Variants in ZFPM2 observed in about 807,000 individuals in gnomAD.
ZFPM2 encodes zinc finger protein, FOG family member 2.
ZFPM2 carries 20 observed loss-of-function variants against 98.6 expected under a neutral mutation model. The ratio of observed to expected loss-of-function variants is 0.20; its 90% CI spans 0.14 to 0.29. The LOEUF is 0.29. Ranked by LOEUF, ZFPM2 falls within the 10% of genes least tolerant of loss-of-function variation. ZFPM2 has a pLI of 1.00. For missense variants in ZFPM2, 1,310 were observed against 1,388.6 expected (o/e 0.94, Z 0.90); for synonymous variants, 518 against 502.7 (o/e 1.03, Z -0.41).
chr8:105,707,211 C>T (rs981906337), intron 5 of ZFPM2, among the ~76,000 whole-genome samples: 2 of 144,694 alleles, frequency 1.4e-5, no homozygotes, highest in African/African-American at 5.2e-5. Flanking sequence ...CACTGCTCTT[C>T]AGCCTGGGCA....
chr8:105,425,319 GA>G (rs1190250213), intron 2 of ZFPM2, among the ~76,000 whole-genome samples: 7 of 152,170 alleles, frequency 4.6e-5, no homozygotes, highest in Admixed American at 6.5e-5. Context: ...GCAGGAAACT[GA>G]AACAGGTAAA....
intron 5 of ZFPM2, among the ~76,000 whole-genome samples, chr8:105,696,936 C>T (rs1811031793): frequency 1.3e-5 from 2 of 152,040 alleles, no homozygotes; most frequent in Non-Finnish European, 1.5e-5. Flanking sequence ...TCGGTGACCC[C>T]TGATGAACTT....
At chr8:105,794,139 G>A (rs897612452) in intron 6 of ZFPM2, among the ~76,000 whole-genome samples, 20 of 152,154 alleles carry the variant, frequency 1.3e-4, no homozygotes, top group Admixed American at 5.2e-4. Flanking sequence ...CTTTGGAGGA[G>A]GAGAGGTGCT....
At chr8:105,680,062 T>G (rs1289195350) in intron 5 of ZFPM2, among the ~76,000 whole-genome samples, 1 of 152,154 alleles carries the variant, frequency 6.6e-6, no homozygotes, top group Non-Finnish European at 1.5e-5. Context: ...TGCATTTCCC[T>G]CTATTATTTG....
chr8:105,515,085 TGAGAGGG>T (rs1813892231), intron 3 of ZFPM2, among the ~76,000 whole-genome samples: 1 of 152,164 alleles, frequency 6.6e-6, no homozygotes, highest in African/African-American at 2.4e-5. Context: ...AGGTAAGTGT[TGAGAGGG>T]GAGAGGATGT....
At chr8:105,449,524 T>C (rs952919050) in intron 3 of ZFPM2, among the ~76,000 whole-genome samples, 6 of 152,054 alleles carry the variant, frequency 3.9e-5, no homozygotes, top group Admixed American at 6.6e-5. Flanking sequence ...TAGAATAAAA[T>C]TAGTAATCAT....
intron 1 of ZFPM2, among the ~76,000 whole-genome samples, chr8:105,370,362 T>C (rs1425587215): frequency 2.0e-5 from 3 of 152,240 alleles, no homozygotes; most frequent in Admixed American, 6.5e-5. Flanking sequence ...TTTCTAGTAA[T>C]TCTTACCTTT....
chr8:105,603,195 A>T (rs529715886), intron 4 of ZFPM2, among the ~76,000 whole-genome samples: 1 of 152,048 alleles, frequency 6.6e-6, no homozygotes, highest in Non-Finnish European at 1.5e-5. Context: ...ACCTCACATA[A>T]AAAGAGTTGG....
At chr8:105,662,406 C>T (rs1817408105) in intron 5 of ZFPM2, 1 of 152,100 alleles carries the variant, frequency 6.6e-6, no homozygotes, top group Non-Finnish European at 1.5e-5. Flanking sequence ...AAAGTCCTAA[C>T]CTAACCCCTG....
chr8:105,672,431 C>T (rs1442909395), intron 5 of ZFPM2, among the ~76,000 whole-genome samples: 1 of 151,964 alleles, frequency 6.6e-6, no homozygotes. Flanking sequence ...ATTTTTCATA[C>T]TTGTCTCCTA....
intron 5 of ZFPM2, among the ~76,000 whole-genome samples, chr8:105,715,885 T>A (rs1285980437): frequency 6.6e-6 from 1 of 152,034 alleles, no homozygotes; most frequent in African/African-American, 2.4e-5. Flanking sequence ...ACTTGAAATT[T>A]TCATATTCGC....
At chr8:105,549,009 C>T (rs1342212679) in intron 3 of ZFPM2, among the ~76,000 whole-genome samples, 1 of 152,132 alleles carries the variant, frequency 6.6e-6, no homozygotes, top group African/African-American at 2.4e-5. Flanking sequence ...CTTCAGAAGT[C>T]TGATACATGG....
rs397978197 is a variant in ZFPM2 at position 105,608,580 on chromosome 8, GTTT to G, written c.421-25645_421-25643del. ...TTAGAAAGGCTAGAGAACACCAAGA[GTTT>G]TTTTTTTTTTTTTTTTTTTTAATCA... On this transcript the variant is annotated intron_variant, in intron 4 of 7. Coordinates refer to ENST00000407775, the MANE Select transcript of ZFPM2 (RefSeq NM_012082.4). Among the ~76,000 whole-genome samples the G allele has an allele frequency of 3.5e-3, 378 of 108,732 alleles. 1 individual carries two copies. The highest frequency in any genetic ancestry group is 0.017 in the Middle Eastern group (3 of 174). 71.3% of individuals were successfully genotyped at this position (108,732 alleles called of 152,430 possible). A position where few individuals can be genotyped will look rare whatever the true frequency, so the allele number is the denominator to read the frequency against.
chr8:105,669,102 A>T (rs535148843), intron 5 of ZFPM2, among the ~76,000 whole-genome samples: 1 of 152,100 alleles, frequency 6.6e-6, no homozygotes, highest in Non-Finnish European at 1.5e-5. Context: ...CTATGTTAGT[A>T]TATATCTTAT....
At chr8:105,717,845 G>T (rs1173761012) in intron 5 of ZFPM2, among the ~76,000 whole-genome samples, 2 of 151,798 alleles carry the variant, frequency 1.3e-5, no homozygotes, top group East Asian at 3.9e-4. Context: ...ATATGTAAAT[G>T]TAGTATCCCC....
In ZFPM2 at chr8:105,803,136, GGCTTCCTCAAATGGGTGT is replaced by G; in HGVS notation, c.3058_3075del (p.Ser1020_Ala1025del). 1 of 1,613,916 alleles carries G rather than the reference GGCTTCCTCAAATGGGTGT, an allele frequency of 6.2e-7. No homozygotes were observed. The highest frequency in any genetic ancestry group is 2.2e-5 in the East Asian group (1 of 44,876). On this transcript the variant is annotated inframe_deletion, in exon 8 of 8. Transcript: ENST00000407775. ...CAGAAAATGAATCTCCTAAAGGCCA[GGCTTCCTCAAATGGGTGT>G]GCTGCGCTGAAGAAAGATTCTCTGC...
At chr8:105,480,320 C>T (rs1196499583) in intron 3 of ZFPM2, among the ~76,000 whole-genome samples, 1 of 152,170 alleles carries the variant, frequency 6.6e-6, no homozygotes, top group African/African-American at 2.4e-5. Context: ...CTTTCAGAAT[C>T]ATTTCATCTT....
intron 5 of ZFPM2, among the ~76,000 whole-genome samples, chr8:105,637,187 G>A (rs1352970927): frequency 6.6e-6 from 1 of 152,158 alleles, no homozygotes; most frequent in African/African-American, 2.4e-5. Flanking sequence ...TAACAATAGA[G>A]CTAAATTCAA....
At chr8:105,436,358 A>G (rs2130168570) in intron 2 of ZFPM2, among the ~76,000 whole-genome samples, 1 of 152,072 alleles carries the variant, frequency 6.6e-6, no homozygotes, top group South Asian at 2.1e-4. Flanking sequence ...TGTCTCTACT[A>G]AAAATACAAA....
Sources: allele counts gnomAD v4.1 joint callset (sites outside exome capture counted in the v4.1 genomes callset), GRCh38; gene constraint gnomAD v4.1.1; transcripts MANE v1.5; gene names NCBI Gene and HGNC (gene_info 2026-07-23, HGNC 2026-07-21).